Variants in SHISA9 observed in about 807,000 individuals in gnomAD.
SHISA9 encodes the protein protein shisa-9.
In SHISA9, 13 loss-of-function variants were observed where a neutral mutation model predicts 38.0. The observed-to-expected ratio is 0.34, with a 90% CI of 0.22 to 0.54. SHISA9 has a LOEUF of 0.54. Ranked by LOEUF, SHISA9 falls within the 20% of genes least tolerant of loss-of-function variation. SHISA9 has a pLI of 0.91. For missense variants in SHISA9, 538 were observed against 575.8 expected, an observed-to-expected ratio of 0.93 and a Z score of 0.67; for synonymous variants, 275 against 242.0, an observed-to-expected ratio of 1.14 and a Z score of -1.27.
the SHISA9 span, among the ~76,000 whole-genome samples, chr16:13,356,250 C>G: frequency 6.6e-6 from 1 of 152,118 alleles, no homozygotes; most frequent in Non-Finnish European, 1.5e-5. Context: ...TATTTAATGT[C>G]GGGAGCAGAT....
chr16:13,505,990 T>C, the SHISA9 span, among the ~76,000 whole-genome samples: 6 of 152,342 alleles, frequency 3.9e-5, no homozygotes, highest in East Asian at 1.2e-3. Flanking sequence ...TACCTAACTC[T>C]GTCATCTGTA....
At chr16:13,403,242 C>G in the SHISA9 span, among the ~76,000 whole-genome samples, 1 of 152,226 alleles carries the variant, frequency 6.6e-6, no homozygotes, top group Admixed American at 6.5e-5. Flanking sequence ...ATTATCAACA[C>G]TTGCCTGCCC....
At chr16:13,465,752 C>G in the SHISA9 span, among the ~76,000 whole-genome samples, 27 of 152,202 alleles carry the variant, frequency 1.8e-4, no homozygotes, top group Admixed American at 2.6e-4. Context: ...TCTCTCTCCC[C>G]CCTCTACCTC....
intron 2 of SHISA9, among the ~76,000 whole-genome samples, chr16:13,091,751 C>T (rs1035761970): frequency 2.0e-5 from 3 of 152,190 alleles, no homozygotes; most frequent in East Asian, 1.9e-4. Context: ...CACACATCCT[C>T]CTTTAGCTCG....
rs2071464242 is a variant in SHISA9 at position 12,931,755 on chromosome 16, T to C, written c.691+14940T>C. Among the ~76,000 whole-genome samples the C allele has an allele frequency of 2.0e-5, 3 of 152,300 alleles. No individual in the cohort carries two copies. The South Asian group carries it at 6.2e-4, about 32-fold the overall frequency. ...AATAGTGCTGTGATGAACATACAGG[T>C]GGGTATTTACCCAGTCATGGGATTG... On this transcript the variant is annotated intron_variant, in intron 2 of 4. Transcript: ENST00000558583.
At chr16:13,273,524 T>A in the SHISA9 span, among the ~76,000 whole-genome samples, 1 of 152,192 alleles carries the variant, frequency 6.6e-6, no homozygotes. Flanking sequence ...AAGATTTGAC[T>A]TGCTCCTCCT....
At chr16:13,557,260 C>G in the SHISA9 span, among the ~76,000 whole-genome samples, 1 of 152,052 alleles carries the variant, frequency 6.6e-6, no homozygotes. Context: ...TAAAATTTGC[C>G]CAAATTACAT....
chr16:13,130,426 TTGTTTTGTTA>T (rs1036419529), intron 2 of SHISA9, among the ~76,000 whole-genome samples: 1 of 152,114 alleles, frequency 6.6e-6, no homozygotes, highest in African/African-American at 2.4e-5. Context: ...GTTTGTTTGT[TTGTTTTGTTA>T]TGTTTTGTTT....
At chr16:13,531,645 G>C in the SHISA9 span, among the ~76,000 whole-genome samples, 2 of 152,158 alleles carry the variant, frequency 1.3e-5, no homozygotes, top group Non-Finnish European at 2.9e-5. Context: ...AATTAGCAGG[G>C]TCCCTGAGGA....
At chr16:13,033,733 GT>G (rs1383982141) in intron 2 of SHISA9, among the ~76,000 whole-genome samples, 2 of 152,146 alleles carry the variant, frequency 1.3e-5, no homozygotes, top group Non-Finnish European at 2.9e-5. Flanking sequence ...ACACTACCCA[GT>G]AGATGTCCAT....
chr16:13,309,336 C>T, the SHISA9 span, among the ~76,000 whole-genome samples: 1 of 151,974 alleles, frequency 6.6e-6, no homozygotes, highest in Non-Finnish European at 1.5e-5. Flanking sequence ...TGCACATGTA[C>T]CCTGGAACTT....
chr16:12,929,874 C>G lies in SHISA9; in HGVS notation c.691+13059C>G, dbSNP rs779692221. Among the ~76,000 whole-genome samples, 3 of 152,262 alleles carry G rather than the reference C, an allele frequency of 2.0e-5. 1 individual carries two copies. In the Middle Eastern group the frequency reaches 0.01, roughly 518 times the overall value. On this transcript the variant is annotated intron_variant, in intron 2 of 4. Transcript: ENST00000558583. The stretch of plus-strand genomic sequence containing the variant: ...TCAGGGGTTTTACATACGCTCTTCC[C>G]TCTGCCTGCAACAAGCTTCCTCCAG...
chr16:13,197,104 T>TATATATAC (rs748572860), intron 2 of SHISA9, among the ~76,000 whole-genome samples: 1 of 106,494 alleles, frequency 9.4e-6, no homozygotes, highest in Admixed American at 8.7e-5. Context: ...TCTCTGTACA[T>TATATATAC]ACACACACAC....
chr16:13,318,323 AT>A, the SHISA9 span, among the ~76,000 whole-genome samples: 17,778 of 145,608 alleles, frequency 0.12, 1,117 homozygotes, highest in Middle Eastern at 0.16. Flanking sequence ...AAATACCTCC[AT>A]TTTTTTTTTT....
chr16:13,054,260 C>T (rs556761759), intron 2 of SHISA9, among the ~76,000 whole-genome samples: 6 of 152,116 alleles, frequency 3.9e-5, no homozygotes, highest in Non-Finnish European at 7.3e-5. Flanking sequence ...ATGGGGATAA[C>T]GATGATCTTC....
the SHISA9 span, among the ~76,000 whole-genome samples, chr16:13,452,532 A>G: frequency 5.3e-5 from 8 of 152,188 alleles, no homozygotes; most frequent in African/African-American, 1.9e-4. Context: ...TGGAAGATGG[A>G]GCATTATTTG....
Position 13,235,192 on chromosome 16 carries a change from A to G in SHISA9, c.1058A>G (p.Asn353Ser), listed in dbSNP as rs760980858. The stretch of plus-strand genomic sequence containing the variant: ...CAGAATGGACAGAAGTCCCGCACCA[A>G]CAAGATGCCCCCACATCCCCTGGCC... ...AKQNGQKSRT[N>S]KMPPHPLAYT... The change falls in exon 5 of 5, where the codon AAC (asparagine) becomes AGC (serine). Residue 353 changes from asparagine (N) to serine (S), a missense_variant. By Grantham distance (46) the Asn-to-Ser change is conservative (BLOSUM62 1). Transcript: ENST00000558583. 2 of 1,551,736 alleles carry G rather than the reference A, an allele frequency of 1.3e-6. No individual in the cohort carries two copies. The highest frequency in any genetic ancestry group is 1.7e-6 in the Non-Finnish European group (2 of 1,146,992).
chr16:13,152,237 C>T lies in SHISA9; in HGVS notation c.692-51157C>T, dbSNP rs145749038. 6.8e-4 allele frequency among the ~76,000 whole-genome samples: 104 copies of T among 152,060 alleles called. 1 individual carries two copies. The highest frequency in any genetic ancestry group is 2.4e-3 in the African/African-American group (100 of 41,488). The stretch of plus-strand genomic sequence containing the variant: ...CTAGTTGAGCTATTTATTTCAGACA[C>T]TTTTTTTTCCCCAAAAATAAATCTT... On this transcript the variant is annotated intron_variant, in intron 2 of 4. Transcript: ENST00000558583.
intron 2 of SHISA9, among the ~76,000 whole-genome samples, chr16:13,020,456 C>T (rs1003961863): frequency 2.0e-5 from 3 of 152,130 alleles, no homozygotes; most frequent in African/African-American, 7.2e-5. Context: ...TGAGAACATG[C>T]GGTATTTGGT....
Sources: gnomAD v4.1 joint callset for allele counts (sites outside exome capture counted in the v4.1 genomes callset) on GRCh38, gnomAD v4.1.1 for gene constraint, MANE v1.5 for transcripts, NCBI Gene and HGNC (gene_info 2026-07-23, HGNC 2026-07-21) for gene names.